The following PPFIA2 variants were observed in gnomAD, a reference collection of about 807,000 sequenced individuals.
The protein encoded by PPFIA2 is liprin-alpha-2.
Under a neutral mutation model 175.5 loss-of-function variants are expected in PPFIA2, and 46 were observed. The ratio of observed to expected loss-of-function variants is 0.26; its 90% CI spans 0.21 to 0.34. The LOEUF is 0.34. Among genes scored for constraint, PPFIA2 ranks in the 10% least tolerant of loss-of-function variants. PPFIA2 has a pLI of 1.00. For missense variants in PPFIA2, 1,179 were observed against 1,506.1 expected (o/e 0.78, Z 3.60); for synonymous variants, 568 against 511.4 (o/e 1.11, Z -1.49).
chr12:81,484,343 G>A lies in PPFIA2; in HGVS notation c.304-26477C>T, dbSNP rs372397527. On this transcript the variant is annotated intron_variant, in intron 4 of 32. Transcript: ENST00000549396. ...TTACCTAGTGGGGAAAACAAAGCAC[G>A]TAAATAGTTATATACAATGAGACAG... Among the ~76,000 whole-genome samples the A allele has an allele frequency of 5.9e-5, 9 of 151,998 alleles. No homozygotes were observed. The East Asian group carries it at 1.2e-3, about 20-fold the overall frequency.
At chr12:81,499,174 C>T (rs139936820) in intron 4 of PPFIA2, among the ~76,000 whole-genome samples, 18 of 152,264 alleles carry the variant, frequency 1.2e-4, no homozygotes, top group African/African-American at 3.9e-4. Flanking sequence ...CATACATCTG[C>T]CTCTGTACCA....
At chr12:81,720,763 A>G (rs926942530) in intron 3 of PPFIA2, among the ~76,000 whole-genome samples, 6 of 151,466 alleles carry the variant, frequency 4.0e-5, no homozygotes, top group African/African-American at 1.4e-4. Flanking sequence ...TTTCTGGAAT[A>G]TAACTATTGG....
intron 8 of PPFIA2, among the ~76,000 whole-genome samples, chr12:81,394,046 T>C (rs1189985328): frequency 6.6e-6 from 1 of 152,056 alleles, no homozygotes; most frequent in Non-Finnish European, 1.5e-5. Flanking sequence ...TCAAAAGTGA[T>C]ACTTTGAGGG....
intron 3 of PPFIA2, among the ~76,000 whole-genome samples, chr12:81,698,481 T>TA (rs1300966540): frequency 2.0e-5 from 3 of 152,054 alleles, no homozygotes; most frequent in African/African-American, 7.2e-5. Context: ...TCCAGAACTG[T>TA]AAAAAATAAA....
chr12:81,377,621 C>T lies in PPFIA2; in HGVS notation c.985-1679G>A, dbSNP rs189465243. Among the ~76,000 whole-genome samples the T allele has an allele frequency of 3.3e-5, 5 of 151,874 alleles. No homozygotes were observed. In the East Asian group the frequency reaches 9.7e-4, roughly 29 times the overall value. On this transcript the variant is annotated intron_variant, in intron 9 of 32. Coordinates refer to ENST00000549396, the MANE Select transcript of PPFIA2 (RefSeq NM_003625.5). Reference sequence around the variant, plus strand: ...TCATCATGTTGTCCCTAGTCTCCTGCCCACCCACAAGTTAGCTCTCTCTCT... The same window carrying T: ...TCATCATGTTGTCCCTAGTCTCCTGTCCACCCACAAGTTAGCTCTCTCTCT...
intron 22 of PPFIA2, chr12:81,312,158 A>G: frequency 2.6e-6 from 4 of 1,535,050 alleles, no homozygotes; most frequent in Non-Finnish European, 3.5e-6. Context: ...GATTCAACTT[A>G]CCCAGATGTG....
chr12:81,745,245 A>C (rs1301423410), intron 3 of PPFIA2, among the ~76,000 whole-genome samples: 1 of 152,180 alleles, frequency 6.6e-6, no homozygotes, highest in African/African-American at 2.4e-5. Flanking sequence ...GTCCCATCTA[A>C]CCTAAAGTTT....
chr12:81,704,679 G>A (rs914728068), intron 3 of PPFIA2, among the ~76,000 whole-genome samples: 2 of 151,950 alleles, frequency 1.3e-5, no homozygotes, highest in Non-Finnish European at 2.9e-5. Context: ...CATTTGCCTT[G>A]GGAAGTTTTA....
Position 81,346,563 on chromosome 12 carries a change from T to A in PPFIA2, c.2232+970A>T, listed in dbSNP as rs146626764. ...ATTTTTTAGAATGGGGAAATTTGAC[T>A]TTTTCTCAGTTGCATTCAGGAGACT... On this transcript the variant is annotated intron_variant, in intron 18 of 32. Coordinates refer to ENST00000549396, the MANE Select transcript of PPFIA2 (RefSeq NM_003625.5). Among the ~76,000 whole-genome samples the A allele has an allele frequency of 1.5e-4, 22 of 150,610 alleles. No individual in the cohort carries two copies. The East Asian group carries it at 4.1e-3, about 28-fold the overall frequency.
In PPFIA2 at chr12:81,649,870, G is replaced by A. The variant is rs192209964; in HGVS notation, c.303+26921C>T. 3.2e-3 allele frequency among the ~76,000 whole-genome samples: 489 copies of A among 152,260 alleles called. 3 individuals carry two copies. Among genetic ancestry groups the A allele is most frequent in the Non-Finnish European group, 4.7e-3 (321 of 68,010 alleles). ...CAAAAAGTAGATCAATGGTTGATAT[G>A]GTATTAGTGTCAGTATAGTCTGACT... On this transcript the variant is annotated intron_variant, in intron 4 of 32. Coordinates refer to ENST00000549396, the MANE Select transcript of PPFIA2 (RefSeq NM_003625.5).
chr12:81,751,413 CT>C (rs10717907), intron 3 of PPFIA2, among the ~76,000 whole-genome samples: 46,827 of 146,832 alleles, frequency 0.32, 7,315 homozygotes, highest in African/African-American at 0.36. Context: ...TATTTACAGT[CT>C]TTTTTTTTTT....
At chr12:81,513,194 A>T (rs867597774) in intron 4 of PPFIA2, among the ~76,000 whole-genome samples, 1 of 152,092 alleles carries the variant, frequency 6.6e-6, no homozygotes, top group African/African-American at 2.4e-5. Context: ...TTAAACCACA[A>T]TGAGATACCA....
chr12:81,756,932 T>C (rs1011791329), intron 2 of PPFIA2, among the ~76,000 whole-genome samples: 9 of 152,166 alleles, frequency 5.9e-5, no homozygotes, highest in African/African-American at 2.2e-4. Context: ...GAATATATGC[T>C]GCTTATACCT....
At chr12:81,403,952 T>C (rs1389059265) in intron 8 of PPFIA2, among the ~76,000 whole-genome samples, 1 of 152,216 alleles carries the variant, frequency 6.6e-6, no homozygotes, top group East Asian at 1.9e-4. Flanking sequence ...CTGTACTTTA[T>C]CTCCTCTTGT....
At chr12:81,441,088 TA>T (rs2050099539) in intron 6 of PPFIA2, among the ~76,000 whole-genome samples, 1 of 151,550 alleles carries the variant, frequency 6.6e-6, no homozygotes, top group South Asian at 2.1e-4. Flanking sequence ...TAATAAATGG[TA>T]TTTTTCTCCT....
intron 20 of PPFIA2, among the ~76,000 whole-genome samples, chr12:81,340,835 AAG>A (rs2057920611): frequency 6.6e-6 from 1 of 152,130 alleles, no homozygotes; most frequent in Non-Finnish European, 1.5e-5. Context: ...TAAAAAATAG[AAG>A]AGTTATTCTT....
chr12:81,598,540 T>C (rs2059486571), intron 4 of PPFIA2, among the ~76,000 whole-genome samples: 1 of 152,094 alleles, frequency 6.6e-6, no homozygotes, highest in East Asian at 1.9e-4. Context: ...CTCTACTTAG[T>C]AACAAATTGC....
intron 30 of PPFIA2, among the ~76,000 whole-genome samples, chr12:81,263,806 T>TCTATGTACA (rs1264900922): frequency 6.6e-6 from 1 of 152,230 alleles, no homozygotes; most frequent in Non-Finnish European, 1.5e-5. Context: ...TGAAATGACT[T>TCTATGTACA]CTATGTACAC....
chr12:81,390,285 C>A (rs150127032), intron 8 of PPFIA2, among the ~76,000 whole-genome samples: 1 of 152,076 alleles, frequency 6.6e-6, no homozygotes, highest in East Asian at 1.9e-4. Flanking sequence ...GTTTTCAGTT[C>A]TCTTGGATCG....
Sources: allele counts gnomAD v4.1 joint callset (sites outside exome capture counted in the v4.1 genomes callset), GRCh38; gene constraint gnomAD v4.1.1; transcripts MANE v1.5; gene names NCBI Gene and HGNC (gene_info 2026-07-23, HGNC 2026-07-21).